Variants in PXDNL observed in about 807,000 individuals in gnomAD.
The protein encoded by PXDNL is peroxidasin like, also known as probable oxidoreductase PXDNL.
In PXDNL, 145 loss-of-function variants were observed where a neutral mutation model predicts 150.8. The observed-to-expected ratio is 0.96, with a 90% CI of 0.84 to 1.10. The LOEUF (loss-of-function observed/expected upper bound fraction) is 1.10. Among genes scored for constraint, PXDNL ranks in the 50% least tolerant of loss-of-function variants. PXDNL has a pLI of 0.00. For missense variants in PXDNL, 2,087 were observed against 1,873.9 expected, an observed-to-expected ratio of 1.11 and a Z score of -2.10; for synonymous variants, 757 against 725.7, an observed-to-expected ratio of 1.04 and a Z score of -0.69.
At chr8:51,509,992 T>C (rs999597027) in intron 4 of PXDNL, among the ~76,000 whole-genome samples, 1 of 151,984 alleles carries the variant, frequency 6.6e-6, no homozygotes, top group Admixed American at 6.6e-5. Flanking sequence ...CTAAAGAGTT[T>C]TGGCATGCAA....
At chr8:51,720,794 G>A (rs1237132302) in intron 1 of PXDNL, among the ~76,000 whole-genome samples, 1 of 152,216 alleles carries the variant, frequency 6.6e-6, no homozygotes, top group Admixed American at 6.5e-5. Flanking sequence ...AGTGGTCACG[G>A]CGCTTTTCCC....
intron 21 of PXDNL, among the ~76,000 whole-genome samples, chr8:51,333,931 G>T (rs1249574323): frequency 1.3e-5 from 2 of 152,092 alleles, no homozygotes; most frequent in African/African-American, 4.8e-5. Context: ...AATCAACAAG[G>T]AAATAATGGA....
intron 3 of PXDNL, among the ~76,000 whole-genome samples, chr8:51,560,893 G>C (rs1239674002): frequency 1.3e-5 from 2 of 151,380 alleles, no homozygotes; most frequent in African/African-American, 4.9e-5. Flanking sequence ...CTGATAAGGA[G>C]TTAATATCCA....
chr8:51,578,034 G>T (rs529109287), intron 3 of PXDNL, among the ~76,000 whole-genome samples: 4 of 127,536 alleles, frequency 3.1e-5, no homozygotes, highest in African/African-American at 1.3e-4. Context: ...AGGAAGGAAG[G>T]AAGGAAGGAA....
intron 1 of PXDNL, among the ~76,000 whole-genome samples, chr8:51,661,404 G>T (rs781277084): frequency 1.3e-5 from 2 of 152,154 alleles, no homozygotes; most frequent in African/African-American, 4.8e-5. Flanking sequence ...TGCTCTGAAG[G>T]TATTTTTTAC....
rs576913448 is a variant in PXDNL at position 51,621,349 on chromosome 8, A to ATAAT, written c.237-28655_237-28652dup. On this transcript the variant is annotated intron_variant, in intron 2 of 22. Coordinates refer to ENST00000356297, the MANE Select transcript of PXDNL (RefSeq NM_144651.5). ...ATTCTAAAACTATAGAGCACTTAAAATAATTGCCTGTTATGTGTTGGTATA... is the reference window on the plus strand; with the variant it reads ...ATTCTAAAACTATAGAGCACTTAAAATAATTAATTGCCTGTTATGTGTTGGTATA... Among the ~76,000 whole-genome samples the ATAAT allele has an allele frequency of 1.3e-3, 204 of 152,304 alleles. 7 individuals carry two copies. Among genetic ancestry groups the ATAAT allele is most frequent in the Non-Finnish European group, 8.1e-4 (55 of 68,028 alleles).
intron 2 of PXDNL, among the ~76,000 whole-genome samples, chr8:51,602,792 A>C (rs954133857): frequency 6.6e-6 from 1 of 151,610 alleles, no homozygotes; most frequent in African/African-American, 2.4e-5. Flanking sequence ...ATTTTTTCAA[A>C]GTTTATGTAA....
intron 19 of PXDNL, among the ~76,000 whole-genome samples, chr8:51,349,808 C>T (rs1806279884): frequency 6.6e-6 from 1 of 152,162 alleles, no homozygotes; most frequent in South Asian, 2.1e-4. Context: ...ACACTAGTAT[C>T]CCAATGCTGC....
intron 2 of PXDNL, among the ~76,000 whole-genome samples, chr8:51,626,073 G>T (rs1359151872): frequency 6.6e-6 from 1 of 152,098 alleles, no homozygotes. Flanking sequence ...TAATTTTATT[G>T]GTATGCTAAA....
chr8:51,710,208 C>T (rs1193985613), intron 1 of PXDNL, among the ~76,000 whole-genome samples: 2 of 152,222 alleles, frequency 1.3e-5, no homozygotes, highest in Non-Finnish European at 2.9e-5. Context: ...CAAAATCTGT[C>T]TTGCTCTAGA....
chr8:51,436,130 T>C (rs1809401650), intron 12 of PXDNL: 1 of 513,932 alleles, frequency 1.9e-6, no homozygotes, highest in African/African-American at 2.0e-5. Flanking sequence ...GATGAATTAC[T>C]ACATTATGCT....
chr8:51,588,711 ATTTG>A (rs1234100653), intron 3 of PXDNL, among the ~76,000 whole-genome samples: 2 of 152,092 alleles, frequency 1.3e-5, no homozygotes, highest in Non-Finnish European at 2.9e-5. Context: ...TGTTTTATTA[ATTTG>A]TTTGTCTTAC....
intron 2 of PXDNL, among the ~76,000 whole-genome samples, chr8:51,602,874 GT>G (rs1254007272): frequency 2.0e-5 from 3 of 150,200 alleles, no homozygotes; most frequent in East Asian, 2.0e-4. Flanking sequence ...AACATTTATT[GT>G]TTTTTTTCTT....
intron 1 of PXDNL, among the ~76,000 whole-genome samples, chr8:51,754,887 T>C (rs921797042): frequency 2.6e-5 from 4 of 151,846 alleles, no homozygotes; most frequent in Non-Finnish European, 5.9e-5. Flanking sequence ...CATTCAGCAT[T>C]AAAAAAAAAA....
chr8:51,347,140 A>G (rs539643918), intron 19 of PXDNL, among the ~76,000 whole-genome samples: 2 of 152,330 alleles, frequency 1.3e-5, no homozygotes, highest in Non-Finnish European at 1.5e-5. Flanking sequence ...ATCGAATTTA[A>G]CACATTATAT....
chr8:51,671,062 A>T (rs977340523), intron 1 of PXDNL, among the ~76,000 whole-genome samples: 1 of 152,252 alleles, frequency 6.6e-6, no homozygotes, highest in Non-Finnish European at 1.5e-5. Flanking sequence ...AAATCTTTGT[A>T]AAGGTCATTT....
chr8:51,589,912 C>T (rs1813405871), intron 3 of PXDNL, among the ~76,000 whole-genome samples: 1 of 152,172 alleles, frequency 6.6e-6, no homozygotes, highest in Admixed American at 6.5e-5. Context: ...GAGGTTATCA[C>T]AGATAGTGAT....
At chr8:51,381,801 C>T (rs894258117) in intron 17 of PXDNL, among the ~76,000 whole-genome samples, 1 of 151,182 alleles carries the variant, frequency 6.6e-6, no homozygotes, top group African/African-American at 2.4e-5. Context: ...TATAGGCACC[C>T]GTCCCCACGC....
chr8:51,598,244 C>T (rs1007500911), intron 2 of PXDNL, among the ~76,000 whole-genome samples: 6 of 151,868 alleles, frequency 4.0e-5, no homozygotes, highest in African/African-American at 1.5e-4. Context: ...TGCCTGATTG[C>T]TTTTGCTAGC....
Sources: allele counts gnomAD v4.1 joint callset (sites outside exome capture counted in the v4.1 genomes callset), GRCh38; gene constraint gnomAD v4.1.1; transcripts MANE v1.5; gene names NCBI Gene and HGNC (gene_info 2026-07-23, HGNC 2026-07-21).